USP33: variants seen among roughly 807,000 people sequenced by gnomAD.
USP33 encodes the protein ubiquitin carboxyl-terminal hydrolase 33.
Under a neutral mutation model 124.2 loss-of-function variants are expected in USP33, and 46 were observed. The ratio of observed to expected loss-of-function variants is 0.37; its 90% CI spans 0.29 to 0.47. USP33 has a LOEUF of 0.47. Among genes scored for constraint, USP33 ranks in the 20% least tolerant of loss-of-function variants. The probability of loss-of-function intolerance (pLI) is 0.99; values close to 1 mark genes in which losing one functional copy is unlikely to be tolerated. For synonymous variants in USP33, 350 were observed against 352.3 expected (o/e 0.99, Z 0.07); for missense variants, 851 against 1,070.6 (o/e 0.79, Z 2.86).
intron 1 of USP33, among the ~76,000 whole-genome samples, chr1:77,746,929 G>A (rs1376586413): frequency 6.6e-6 from 1 of 152,222 alleles, no homozygotes. Context: ...TTTAATTTAC[G>A]TTATCCTGAC....
chr1:77,747,391 A>G (rs1679851958), intron 1 of USP33, among the ~76,000 whole-genome samples: 1 of 151,966 alleles, frequency 6.6e-6, no homozygotes, highest in African/African-American at 2.4e-5. Context: ...AGCAGCTAGG[A>G]CTACAGGTGT....
intron 1 of USP33, among the ~76,000 whole-genome samples, chr1:77,742,717 T>C (rs1305900689): frequency 6.6e-6 from 1 of 152,124 alleles, no homozygotes; most frequent in Non-Finnish European, 1.5e-5. Context: ...TTGAGAACAC[T>C]TTCCCAAAAA....
In USP33 at chr1:77,728,403, T is replaced by C. The variant is rs748496313; in HGVS notation, c.1027A>G (p.Lys343Glu). 11 of 1,613,962 alleles carry C rather than the reference T, an allele frequency of 6.8e-6. 1 individual carries two copies. Among genetic ancestry groups the C allele is most frequent in the Non-Finnish European group, 7.6e-6 (9 of 1,180,004 alleles). ...QKEKMCNKIN[K>E]VNSEGEFDKD... ...TCAAATTCGCCTTCAGAATTTACTTTATTAATCTTATTGCACATCTTCTCT... is the reference window on the plus strand; with the variant it reads ...TCAAATTCGCCTTCAGAATTTACTTCATTAATCTTATTGCACATCTTCTCT... The change falls in exon 10 of 24, where the codon AAA becomes GAA. Residue 343 changes from lysine (K) to glutamate (E), a missense_variant. By Grantham distance (56) the Lys-to-Glu change is moderately conservative (BLOSUM62 1). Around this residue, in one of 4 missense-constraint regions of USP33, gnomAD observed 207 missense variants for 200.9 expected, o/e 1.03. Coordinates refer to ENST00000370794, the MANE Select transcript of USP33 (RefSeq NM_201624.3).
At chr1:77,751,060 T>C (rs985763343) in intron 1 of USP33, among the ~76,000 whole-genome samples, 1 of 152,236 alleles carries the variant, frequency 6.6e-6, no homozygotes, top group Non-Finnish European at 1.5e-5. Flanking sequence ...GAAATGCTAT[T>C]GTCCAATCCA....
chr1:77,732,542 T>TG (rs1367485116), intron 7 of USP33, among the ~76,000 whole-genome samples: 1 of 152,190 alleles, frequency 6.6e-6, no homozygotes, highest in Non-Finnish European at 1.5e-5. Flanking sequence ...AACACTTCAA[T>TG]GGTATCGTAC....
In USP33 at chr1:77,728,656, C is replaced by G. The variant is rs765037130; in HGVS notation, c.774G>C (p.Glu258Asp). The G allele has an allele frequency of 6.8e-6, 11 of 1,613,908 alleles. No individual in the cohort carries two copies. The Admixed American group carries it at 1.5e-4, about 22-fold the overall frequency. Residue 258 changes from glutamate (E) to aspartate (D), a missense_variant, in exon 10 of 24, where the codon GAG (glutamate) becomes GAC (aspartate). Physicochemically the swap from Glu to Asp is conservative, Grantham distance 45. Around this residue, in one of 4 missense-constraint regions of USP33, gnomAD observed 221 missense variants for 302.9 expected, o/e 0.73. Transcript: ENST00000370794. The part of the protein sequence containing the change: ...LMDLLHEELK[E>D]QVMEVEEDPQ... ...GATCTTCTTCTACTTCCATGACTTG[C>G]TCTTTCAATTCTTCATGAAGCAAAT...
chr1:77,758,043 G>A, intron 1 of USP33, among the ~76,000 whole-genome samples: 1 of 151,934 alleles, frequency 6.6e-6, no homozygotes, highest in African/African-American at 2.4e-5. Context: ...GTTATAAAAA[G>A]TTCAGAAAAG....
intron 22 of USP33, 91 bp from the exon 23 acceptor site, chr1:77,698,022 A>C: frequency 2.3e-6 from 2 of 884,314 alleles, no homozygotes; most frequent in Non-Finnish European, 3.6e-6. Flanking sequence ...ACCTATAACT[A>C]CATTATCAGA....
chr1:77,724,095 G>A (rs1676892394), intron 11 of USP33, among the ~76,000 whole-genome samples: 1 of 152,010 alleles, frequency 6.6e-6, no homozygotes, highest in Non-Finnish European at 1.5e-5. Flanking sequence ...TGTTTTACAA[G>A]TCAAAAGAAG....
chr1:77,738,773 C>T (rs140637832), intron 5 of USP33, among the ~76,000 whole-genome samples: 96 of 152,304 alleles, frequency 6.3e-4, no homozygotes, highest in African/African-American at 2.2e-3. Context: ...AGCCACCGCA[C>T]CCAGCCCAAA....
At chr1:77,732,561 G>A (rs1367727701) in intron 7 of USP33, among the ~76,000 whole-genome samples, 2 of 152,092 alleles carry the variant, frequency 1.3e-5, no homozygotes, top group African/African-American at 2.4e-5. Context: ...ACTACTATGA[G>A]AATAAAGACC....
intron 17 of USP33, among the ~76,000 whole-genome samples, chr1:77,717,072 G>A (rs890538686): frequency 3.3e-5 from 5 of 151,500 alleles, no homozygotes; most frequent in African/African-American, 7.3e-5. Context: ...TCACAATGTC[G>A]GCCAGACTGG....
Position 77,759,649 on chromosome 1 carries a change from G to C in USP33, c.-58C>G, listed in dbSNP as rs1038087657. 5 of 399,194 alleles carry C rather than the reference G, an allele frequency of 1.3e-5. No homozygotes were observed. The highest frequency in any genetic ancestry group is 3.6e-5 in the East Asian group (1 of 28,094). The allele number at this position is 399,194 out of a possible 1,614,324, so 24.7% of individuals were successfully genotyped here. A position where few individuals can be genotyped will look rare whatever the true frequency, so the allele number is the denominator to read the frequency against. ...CCAGCAGCGCCGCGCTCACCTCCAC[G>C]GCCTGGCCCGCGGGACCCGCCAGCT... On this transcript the variant is annotated 5_prime_UTR_variant, in exon 1 of 24. Transcript: ENST00000370794.
intron 3 of USP33, 22 bp from the exon 4 acceptor site, chr1:77,740,961 G>T: frequency 2.1e-6 from 3 of 1,437,624 alleles, no homozygotes; most frequent in Non-Finnish European, 1.9e-6. Flanking sequence ...TATATAGGAA[G>T]AAAAATAAGG....
intron 4 of USP33, 141 bp downstream of exon 4, chr1:77,740,736 C>T: frequency 1.5e-6 from 1 of 656,864 alleles, no homozygotes; most frequent in East Asian, 2.9e-5. Context: ...CCTTCCCCAT[C>T]CTTCACAGAG....
chr1:77,739,061 C>T (rs972601850), intron 5 of USP33, among the ~76,000 whole-genome samples: 2 of 151,956 alleles, frequency 1.3e-5, no homozygotes, highest in Admixed American at 1.3e-4. Flanking sequence ...AACAGGTGGG[C>T]TTCAATCTCA....
intron 10 of USP33, among the ~76,000 whole-genome samples, chr1:77,727,487 T>A (rs1381698929): frequency 2.0e-5 from 3 of 152,246 alleles, no homozygotes; most frequent in African/African-American, 4.8e-5. Context: ...ACACTCCTAG[T>A]CTTCCCGATT....
At chr1:77,756,624 C>T (rs570586481) in intron 1 of USP33, among the ~76,000 whole-genome samples, 1 of 152,152 alleles carries the variant, frequency 6.6e-6, no homozygotes, top group African/African-American at 2.4e-5. Context: ...ACCCAGCTCC[C>T]CTTCATTTGG....
At chr1:77,701,578 T>C in intron 21 of USP33, 107 bp from the exon 22 acceptor site, 2 of 896,464 alleles carry the variant, frequency 2.2e-6, no homozygotes, top group Non-Finnish European at 3.5e-6. Flanking sequence ...TTTGGGAGGC[T>C]GAGGCAGGAG....
Sources: allele counts gnomAD v4.1 joint callset (sites outside exome capture counted in the v4.1 genomes callset), GRCh38; gene constraint gnomAD v4.1.1; regional missense constraint gnomAD v4.1.1; transcripts MANE v1.5; gene names NCBI Gene and HGNC (gene_info 2026-07-23, HGNC 2026-07-21).